The following EPM2A variants were observed in gnomAD, a reference collection of about 807,000 sequenced individuals.
EPM2A encodes EPM2A glucan phosphatase, laforin.
In EPM2A, 21 loss-of-function variants were observed where a neutral mutation model predicts 26.5. The observed-to-expected ratio is 0.79, with a 90% CI of 0.56 to 1.14. EPM2A has a LOEUF of 1.14. Ranked by LOEUF, EPM2A falls within the 50% of genes most tolerant of loss-of-function variation. The pLI is 0.00. For synonymous variants in EPM2A, 217 were observed against 177.6 expected (o/e 1.22, Z -1.76); for missense variants, 458 against 440.8 (o/e 1.04, Z -0.35).
intron 4 of EPM2A, among the ~76,000 whole-genome samples, chr6:145,393,644 C>G (rs917422168): frequency 6.6e-6 from 1 of 152,054 alleles, no homozygotes; most frequent in African/African-American, 2.4e-5. Context: ...TGGGGCCACT[C>G]TCTTAGTGCT....
chr6:145,446,993 T>G (rs1397742362), intron 4 of EPM2A, among the ~76,000 whole-genome samples: 1 of 152,144 alleles, frequency 6.6e-6, no homozygotes, highest in Non-Finnish European at 1.5e-5. Context: ...TACTGTGTCA[T>G]ATTTTACATT....
In EPM2A at chr6:145,626,840, G is replaced by A. The variant is rs55649324; in HGVS notation, c.*576C>T. 7.1e-6 allele frequency: 7 copies of A among 988,466 alleles called. No homozygotes were observed. Among genetic ancestry groups the A allele is most frequent in the Non-Finnish European group, 8.4e-6 (7 of 831,818 alleles). The allele number at this position is 988,466 out of a possible 1,614,324, so 61.2% of individuals were successfully genotyped here. On this transcript the variant is annotated 3_prime_UTR_variant, in exon 4 of 4. Coordinates refer to ENST00000367519, the MANE Select transcript of EPM2A (RefSeq NM_005670.4). ...TTACACAGGGTTGTTGGGTAGAGAA[G>A]GAAGGTGATGCCTTGGAACAGACTT...
chr6:145,709,482 C>A (rs1782418502), intron 1 of EPM2A, among the ~76,000 whole-genome samples: 1 of 152,130 alleles, frequency 6.6e-6, no homozygotes. Flanking sequence ...CACTCTCTGG[C>A]CCGCCGCCAT....
chr6:145,709,012 T>C (rs771648238), intron 1 of EPM2A, among the ~76,000 whole-genome samples: 1 of 152,240 alleles, frequency 6.6e-6, no homozygotes, highest in Non-Finnish European at 1.5e-5. Context: ...TCATGGGGCC[T>C]GTAGCCCCTT....
intron 2 of EPM2A, among the ~76,000 whole-genome samples, chr6:145,554,425 TAG>T (rs1780695981): frequency 1.7e-5 from 1 of 59,152 alleles, no homozygotes; most frequent in South Asian, 5.7e-4. Flanking sequence ...AGATAGATGA[TAG>T]ATAGATAGAT....
At chr6:145,451,851 A>G (rs1011761638) in intron 4 of EPM2A, among the ~76,000 whole-genome samples, 6 of 150,792 alleles carry the variant, frequency 4.0e-5, no homozygotes, top group African/African-American at 1.2e-4. Context: ...TATAAAACAC[A>G]TATCAGCACA....
At chr6:145,395,130 C>T (rs1778387968) in intron 4 of EPM2A, among the ~76,000 whole-genome samples, 1 of 152,122 alleles carries the variant, frequency 6.6e-6, no homozygotes, top group Non-Finnish European at 1.5e-5. Context: ...CCTCCCCTCT[C>T]TCCACTATCA....
intron 4 of EPM2A, among the ~76,000 whole-genome samples, chr6:145,434,861 G>A (rs182768430): frequency 5.3e-5 from 8 of 152,110 alleles, no homozygotes; most frequent in African/African-American, 1.7e-4. Flanking sequence ...CCTAATGTTG[G>A]AGGTGGGGCC....
intron 1 of EPM2A, among the ~76,000 whole-genome samples, chr6:145,705,318 TATATAG>T (rs1782157535): frequency 2.0e-5 from 3 of 151,968 alleles, no homozygotes; most frequent in Non-Finnish European, 4.4e-5. Flanking sequence ...AAAATATAGA[TATATAG>T]ATATAGATAC....
chr6:145,566,358 C>T (rs1199507951), intron 2 of EPM2A, among the ~76,000 whole-genome samples: 1 of 152,208 alleles, frequency 6.6e-6, no homozygotes, highest in African/African-American at 2.4e-5. Flanking sequence ...ATATTAACTT[C>T]CCCTCTGGAC....
At chr6:145,663,595 A>T (rs1778913239) in intron 2 of EPM2A, among the ~76,000 whole-genome samples, 1 of 151,848 alleles carries the variant, frequency 6.6e-6, no homozygotes, top group South Asian at 2.1e-4. Context: ...ACTCTGCAGG[A>T]TATTATCCAG....
At chr6:145,657,677 G>C (rs1295771591) in intron 2 of EPM2A, among the ~76,000 whole-genome samples, 3 of 152,026 alleles carry the variant, frequency 2.0e-5, no homozygotes, top group Non-Finnish European at 4.4e-5. Flanking sequence ...CAACCTCTTT[G>C]GTCAGTGGTG....
intron 2 of EPM2A, among the ~76,000 whole-genome samples, chr6:145,562,996 A>G (rs566235402): frequency 2.0e-5 from 3 of 151,644 alleles, no homozygotes; most frequent in African/African-American, 7.2e-5. Context: ...CCACACAGGC[A>G]TTGAGAGGGT....
chr6:145,447,500 T>A (rs1779141881), intron 4 of EPM2A, among the ~76,000 whole-genome samples: 1 of 152,266 alleles, frequency 6.6e-6, no homozygotes, highest in Non-Finnish European at 1.5e-5. Context: ...TTTCTTTCTA[T>A]CTCTGTCTTA....
At chr6:145,543,025 C>G (rs1191404139) in intron 2 of EPM2A, among the ~76,000 whole-genome samples, 3 of 120,716 alleles carry the variant, frequency 2.5e-5, no homozygotes, top group Non-Finnish European at 3.7e-5. Context: ...TCCCAAAGTG[C>G]TGGGATTACA....
At chr6:145,728,283 T>C (rs1776311142) in intron 1 of EPM2A, among the ~76,000 whole-genome samples, 1 of 152,128 alleles carries the variant, frequency 6.6e-6, no homozygotes, top group African/African-American at 2.4e-5. Context: ...GCTTTAGAAC[T>C]GGGTGTTGGG....
At chr6:145,573,255 A>C (rs1362390878) in intron 2 of EPM2A, among the ~76,000 whole-genome samples, 3 of 152,166 alleles carry the variant, frequency 2.0e-5, no homozygotes, top group Non-Finnish European at 4.4e-5. Context: ...GAGTTGATAT[A>C]CCCCTGAGGT....
chr6:145,385,035 AT>A (rs1159067932), intron 4 of EPM2A, among the ~76,000 whole-genome samples: 2 of 148,164 alleles, frequency 1.3e-5, no homozygotes, highest in African/African-American at 5.0e-5. Flanking sequence ...TGTAAATAGC[AT>A]CGCATGAATA....
chr6:145,698,031 G>A lies in EPM2A; in HGVS notation c.302-11735C>T, dbSNP rs572981667. On this transcript the variant is annotated intron_variant, in intron 1 of 3. Transcript: ENST00000367519. ...GAAATCTTCGCAATTTATGTTCAGA[G>A]ATTGCAGTAAAGACAGGCATAAGAA... Among the ~76,000 whole-genome samples, 4 of 152,254 alleles carry A rather than the reference G, an allele frequency of 2.6e-5. No homozygotes were observed. The South Asian group carries it at 8.3e-4, about 32-fold the overall frequency.
Sources: gnomAD v4.1 joint callset for allele counts (sites outside exome capture counted in the v4.1 genomes callset) on GRCh38, gnomAD v4.1.1 for gene constraint, MANE v1.5 for transcripts, NCBI Gene and HGNC (gene_info 2026-07-23, HGNC 2026-07-21) for gene names.